The following CDK13 variants were observed in gnomAD, a reference collection of about 807,000 sequenced individuals.
CDK13 encodes the protein cyclin-dependent kinase 13.
Under a neutral mutation model 137.6 loss-of-function variants are expected in CDK13, and 40 were observed. The ratio of observed to expected loss-of-function variants is 0.29; its 90% CI spans 0.23 to 0.38. The LOEUF (loss-of-function observed/expected upper bound fraction) is 0.38, where lower values mean the gene tolerates loss of function less well. Ranked by LOEUF, CDK13 falls within the 10% of genes least tolerant of loss-of-function variation. CDK13 has a pLI of 1.00. For missense variants in CDK13, 1,704 were observed against 1,951.8 expected, an observed-to-expected ratio of 0.87 and a Z score of 2.39; for synonymous variants, 869 against 760.1, an observed-to-expected ratio of 1.14 and a Z score of -2.36.
At chr7:39,963,739 C>T (rs1352036748) in intron 1 of CDK13, among the ~76,000 whole-genome samples, 3 of 152,102 alleles carry the variant, frequency 2.0e-5, no homozygotes, top group Admixed American at 1.3e-4. Flanking sequence ...TTTGCCCATT[C>T]GGTATGATAT....
At chr7:39,982,621 CA>C (rs1327007426) in intron 1 of CDK13, among the ~76,000 whole-genome samples, 3 of 152,304 alleles carry the variant, frequency 2.0e-5, no homozygotes, top group African/African-American at 7.2e-5. Context: ...AACTAGTTTA[CA>C]GTCACACCAA....
chr7:40,022,293 A>G (rs1162700509), intron 5 of CDK13, among the ~76,000 whole-genome samples: 1 of 152,128 alleles, frequency 6.6e-6, no homozygotes, highest in Non-Finnish European at 1.5e-5. Context: ...TACTGCCCCC[A>G]TCAGCCACAA....
intron 5 of CDK13, among the ~76,000 whole-genome samples, chr7:40,007,989 A>T (rs1784827324): frequency 6.6e-6 from 1 of 152,216 alleles, no homozygotes; most frequent in Non-Finnish European, 1.5e-5. Flanking sequence ...TTTTTACAAG[A>T]CAATGAAAGA....
intron 1 of CDK13, among the ~76,000 whole-genome samples, chr7:39,976,407 T>C (rs773420): frequency 0.99 from 149,898 of 150,894 alleles, 74,462 homozygotes; most frequent in East Asian, 1. Context: ...TAAATAGTGC[T>C]TGGCTTTGAA....
At chr7:40,036,890 C>T (rs529155159) in intron 5 of CDK13, among the ~76,000 whole-genome samples, 10 of 152,204 alleles carry the variant, frequency 6.6e-5, no homozygotes, top group Admixed American at 2.0e-4. Flanking sequence ...TATACATTCA[C>T]GTTTACCCAG....
rs537723525 is a variant in CDK13, at chr7:40,096,885, T to C, written c.*1905T>C. On this transcript the variant is annotated 3_prime_UTR_variant, in exon 14 of 14. Transcript: ENST00000181839. The stretch of plus-strand genomic sequence containing the variant: ...TTGAATATTGATTACTAACAACTTA[T>C]AAACTACATTGCAGGAAATGAAGAA... 1.3e-5 allele frequency: 2 copies of C among 152,284 alleles called. No individual in the cohort carries two copies. The highest frequency in any genetic ancestry group is 2.4e-5 in the African/African-American group (1 of 41,586). 9.4% of individuals were successfully genotyped at this position (152,284 alleles called of 1,614,324 possible). A position where few individuals can be genotyped will look rare whatever the true frequency, so the allele number is the denominator to read the frequency against.
chr7:40,033,405 G>C (rs1785419330), intron 5 of CDK13, among the ~76,000 whole-genome samples: 1 of 152,154 alleles, frequency 6.6e-6, no homozygotes, highest in African/African-American at 2.4e-5. Context: ...CTATATCTGA[G>C]TCTGACTCTG....
At chr7:40,044,005 T>C (rs1300977321) in intron 5 of CDK13, among the ~76,000 whole-genome samples, 1 of 151,758 alleles carries the variant, frequency 6.6e-6, no homozygotes, top group Non-Finnish European at 1.5e-5. Context: ...CAAGTGATTC[T>C]TCTGCCTCAG....
At chr7:40,091,757 A>G (rs1301727810) in intron 12 of CDK13, among the ~76,000 whole-genome samples, 1 of 152,248 alleles carries the variant, frequency 6.6e-6, no homozygotes, top group Non-Finnish European at 1.5e-5. Context: ...GATCATAAGA[A>G]GAACTTGCAG....
At chr7:40,048,085 A>G in intron 7 of CDK13, 1 of 379,740 alleles carries the variant, frequency 2.6e-6, no homozygotes. Context: ...ATTGATCTTC[A>G]ACAGGTAAAA....
intron 5 of CDK13, chr7:40,002,358 T>C (rs1031706054): frequency 3.0e-5 from 5 of 165,066 alleles, no homozygotes; most frequent in African/African-American, 9.6e-5. Context: ...TTACCCTACA[T>C]TTTTATGTTA....
At chr7:40,034,977 C>A (rs1394918577) in intron 5 of CDK13, among the ~76,000 whole-genome samples, 1 of 152,062 alleles carries the variant, frequency 6.6e-6, no homozygotes, top group Non-Finnish European at 1.5e-5. Context: ...ATCTGTTAGG[C>A]ACAATTGATA....
chr7:40,077,667 C>T (rs1482686213), intron 9 of CDK13, among the ~76,000 whole-genome samples: 1 of 152,062 alleles, frequency 6.6e-6, no homozygotes, highest in African/African-American at 2.4e-5. Flanking sequence ...CCAGCCTGGC[C>T]AACATGGGGA....
Position 39,951,773 on chromosome 7 carries a change from CG to C in CDK13, c.1136del (p.Gly379AlafsTer65). On this transcript the variant is annotated frameshift_variant, in exon 1 of 14. Transcript: ENST00000181839. LOFTEE classifies it high-confidence loss of function. ...PSYSRHSSYE[R>X]GGDVSPSPYS... is the part of the protein sequence containing the mutation. The stretch of plus-strand genomic sequence containing the variant: ...CTACAGCCGCCACAGCTCCTACGAG[CG>C]GGGCGGCGACGTGTCCCCTAGTCCC... 2 of 1,478,518 alleles carry C rather than the reference CG, an allele frequency of 1.4e-6. No individual in the cohort carries two copies. The highest frequency in any genetic ancestry group is 1.8e-6 in the Non-Finnish European group (2 of 1,126,990). 91.6% of individuals were successfully genotyped at this position (1,478,518 alleles called of 1,614,324 possible). A position where few individuals can be genotyped will look rare whatever the true frequency, so the allele number is the denominator to read the frequency against.
At position 40,094,361 on chromosome 7, in the gene CDK13, C is replaced by T. The variant is rs768318060; in HGVS notation, c.3920C>T (p.Ala1307Val). 20 of 1,613,894 alleles carry T rather than the reference C, an allele frequency of 1.2e-5. No individual in the cohort carries two copies. Among genetic ancestry groups the T allele is most frequent in the Middle Eastern group, 1.6e-4 (1 of 6,084 alleles). ...GVKAALLQLLAQHQPQDDPKR... is the reference protein window; with the variant it reads ...GVKAALLQLLVQHQPQDDPKR... The stretch of plus-strand genomic sequence containing the variant: ...AAGGCAGCCCTGTTACAGCTGCTTG[C>T]TCAGCATCAGCCCCAGGATGACCCC... The change falls in exon 14 of 14, where the codon GCT becomes GTT. Residue 1307 changes from alanine to valine, a missense_variant. Ala to Val is a moderately conservative substitution (Grantham distance 64). This residue lies in a region of CDK13 where 475 missense variants were observed against 579.3 expected (regional missense o/e 0.82). Coordinates refer to ENST00000181839, the MANE Select transcript of CDK13 (RefSeq NM_003718.5).
rs1177654370 is a variant in CDK13 at position 40,095,576 on chromosome 7, T to C, written c.*596T>C. 1 of 152,140 alleles carries C rather than the reference T, an allele frequency of 6.6e-6. No homozygotes were observed. The highest frequency in any genetic ancestry group is 1.5e-5 in the Non-Finnish European group (1 of 68,028). The allele number at this position is 152,140 out of a possible 1,614,324, so 9.4% of individuals were successfully genotyped here. On this transcript the variant is annotated 3_prime_UTR_variant, in exon 14 of 14. Transcript: ENST00000181839. ...AAAAAAATGGTCAACGTTATTTTTGTTTTGTTTTGCAGATTATCAAAGCCT... is the reference window on the plus strand; with the variant it reads ...AAAAAAATGGTCAACGTTATTTTTGCTTTGTTTTGCAGATTATCAAAGCCT...
intron 12 of CDK13, 79 bp downstream of exon 12, chr7:40,088,410 C>A: frequency 9.3e-7 from 1 of 1,070,366 alleles, no homozygotes; most frequent in Non-Finnish European, 1.4e-6. Context: ...AATGTTAAAG[C>A]ATCTTGTGGC....
intron 1 of CDK13, among the ~76,000 whole-genome samples, chr7:39,970,318 G>A (rs1454757505): frequency 1.3e-5 from 2 of 151,730 alleles, no homozygotes; most frequent in African/African-American, 2.4e-5. Context: ...TGCATTTTAT[G>A]TCCAAAAAAA....
At chr7:40,021,590 A>G (rs1484901651) in intron 5 of CDK13, among the ~76,000 whole-genome samples, 1 of 152,258 alleles carries the variant, frequency 6.6e-6, no homozygotes, top group Non-Finnish European at 1.5e-5. Flanking sequence ...AAGTAGAACC[A>G]ACATACTTTT....
Sources: gnomAD v4.1 joint callset for allele counts (sites outside exome capture counted in the v4.1 genomes callset) on GRCh38, gnomAD v4.1.1 for gene constraint, gnomAD v4.1.1 regional missense constraint, MANE v1.5 for transcripts, NCBI Gene and HGNC (gene_info 2026-07-23, HGNC 2026-07-21) for gene names.